GAD1: variants seen among roughly 807,000 people sequenced by gnomAD.
GAD1 encodes 67 kDa glutamic acid decarboxylase.
In GAD1, 35 loss-of-function variants were observed where a neutral mutation model predicts 75.2. The observed-to-expected ratio is 0.47, with a 90% CI of 0.36 to 0.62. GAD1 has a LOEUF of 0.62. Ranked by LOEUF, GAD1 falls within the 20% of genes least tolerant of loss-of-function variation. The pLI is 0.00. For synonymous variants in GAD1, 257 were observed against 271.9 expected (o/e 0.95, Z 0.54); for missense variants, 490 against 758.5 (o/e 0.65, Z 4.16).
chr2:170,841,841 G>C (rs1415277400), intron 6 of GAD1, among the ~76,000 whole-genome samples: 1 of 152,200 alleles, frequency 6.6e-6, no homozygotes, highest in Non-Finnish European at 1.5e-5. Context: ...TATCAAACAG[G>C]ATACAGCTAA....
At chr2:170,849,259 C>A in intron 11 of GAD1, 27 bp from the exon 12 acceptor site, 1 of 1,608,990 alleles carries the variant, frequency 6.2e-7, no homozygotes. Context: ...CTGCTCCCCT[C>A]TTCCTCTCCT....
intron 16 of GAD1, 33 bp downstream of exon 16, chr2:170,858,926 C>T (rs933904469): frequency 6.4e-7 from 1 of 1,564,272 alleles, no homozygotes; most frequent in Non-Finnish European, 8.8e-7. Flanking sequence ...ATCTAATCCT[C>T]TGCAATTTCT....
chr2:170,845,385 C>A, intron 7 of GAD1, 121 bp from the exon 8 acceptor site: 2 of 858,580 alleles, frequency 2.3e-6, no homozygotes, highest in African/African-American at 1.6e-5. Flanking sequence ...CAAAACCTAT[C>A]AGGATATTAT....
At chr2:170,852,618 T>G in intron 12 of GAD1, 96 bp from the exon 13 acceptor site, 1 of 1,004,066 alleles carries the variant, frequency 1.0e-6, no homozygotes, top group African/African-American at 1.6e-5. Flanking sequence ...ATGGATAATA[T>G]TTACTAACTT....
intron 12 of GAD1, among the ~76,000 whole-genome samples, chr2:170,851,481 C>G (rs1462166156): frequency 6.6e-6 from 1 of 152,166 alleles, no homozygotes; most frequent in Non-Finnish European, 1.5e-5. Context: ...TCAGACCTTC[C>G]TCTCTTCTCC....
At chr2:170,827,316 C>A (rs2105767830) in intron 3 of GAD1, among the ~76,000 whole-genome samples, 1 of 152,348 alleles carries the variant, frequency 6.6e-6, no homozygotes, top group South Asian at 2.1e-4. Context: ...ACGTGTGACT[C>A]CGCAAGTTTC....
Position 170,831,594 on chromosome 2 carries a change from ATGTGTG to A in GAD1, c.547+438_547+443del, listed in dbSNP as rs370649454. On this transcript the variant is annotated intron_variant, in intron 5 of 16. Coordinates refer to ENST00000358196, the MANE Select transcript of GAD1 (RefSeq NM_000817.3). ...ACATGGCGAAACCTTGTCTCTACATATGTGTGTGTGTGTGTGTGTGTGTGTGTGTGT... is the reference window on the plus strand; with the variant it reads ...ACATGGCGAAACCTTGTCTCTACATATGTGTGTGTGTGTGTGTGTGTGTGT... 8.6e-4 allele frequency among the ~76,000 whole-genome samples: 105 copies of A among 122,786 alleles called. 2 individuals carry two copies. The highest frequency in any genetic ancestry group is 1.4e-3 in the East Asian group (6 of 4,346). 80.6% of individuals were successfully genotyped at this position (122,786 alleles called of 152,430 possible). A position where few individuals can be genotyped will look rare whatever the true frequency, so the allele number is the denominator to read the frequency against.
At chr2:170,826,819 G>C (rs1702037151) in intron 3 of GAD1, among the ~76,000 whole-genome samples, 1 of 152,134 alleles carries the variant, frequency 6.6e-6, no homozygotes, top group Non-Finnish European at 1.5e-5. Context: ...TTTCAAGTCT[G>C]GCAAATTCCA....
In GAD1 at chr2:170,859,747, T is replaced by C. The variant is rs1262071308; in HGVS notation, c.1650T>C (p.Gly550=). The C allele has an allele frequency of 5.0e-6, 8 of 1,614,192 alleles. No homozygotes were observed. Among genetic ancestry groups the C allele is most frequent in the Non-Finnish European group, 6.8e-6 (8 of 1,180,040 alleles). The stretch of plus-strand genomic sequence containing the variant: ...TCAAAGCCCTGATGATGGAGTCAGG[T>C]ACGACCATGGTTGGCTACCAGCCCC... ...PKIKALMMES[G]TTMVGYQPQG... The change falls in exon 17 of 17, where the codon GGT becomes GGC. Residue 550 remains glycine, a synonymous_variant. Coordinates refer to ENST00000358196, the MANE Select transcript of GAD1 (RefSeq NM_000817.3).
In GAD1 at chr2:170,818,825, G is replaced by A; in HGVS notation, c.82+152G>A. 1 of 789,692 alleles carries A rather than the reference G, an allele frequency of 1.3e-6. No individual in the cohort carries two copies. Among genetic ancestry groups the A allele is most frequent in the Non-Finnish European group, 2.2e-6 (1 of 461,936 alleles). The allele number at this position is 789,692 out of a possible 1,614,324, so 48.9% of individuals were successfully genotyped here. A position where few individuals can be genotyped will look rare whatever the true frequency, so the allele number is the denominator to read the frequency against. The stretch of plus-strand genomic sequence containing the variant: ...GGGCTCTGACCCCGTCCCTGCCAGA[G>A]GTCATTCGGCTGTCAGGGACGCTAG... On this transcript the variant is annotated intron_variant, in intron 2 of 16. Transcript: ENST00000358196. This position sits in a 1 kb window ranked among gnomAD's most constrained non-coding sequence, Gnocchi z 5.9.
At chr2:170,831,593 T>C (rs1397895555) in intron 5 of GAD1, among the ~76,000 whole-genome samples, 1 of 130,514 alleles carries the variant, frequency 7.7e-6, no homozygotes, top group East Asian at 2.3e-4. Context: ...TGTCTCTACA[T>C]ATGTGTGTGT....
intron 11 of GAD1, chr2:170,848,794 G>A (rs750099269): frequency 3.9e-6 from 2 of 519,096 alleles, no homozygotes; most frequent in South Asian, 2.8e-5. Context: ...CATGCATCAT[G>A]GTACCCACAA....
intron 3 of GAD1, 116 bp downstream of exon 3, chr2:170,822,265 A>G: frequency 1.1e-6 from 1 of 886,926 alleles, no homozygotes; most frequent in Non-Finnish European, 1.8e-6. Flanking sequence ...TGATTTTCTA[A>G]TGTAATTACA....
intron 2 of GAD1, chr2:170,821,870 A>G (rs1701890845): frequency 1.8e-6 from 1 of 566,704 alleles, no homozygotes; most frequent in East Asian, 3.0e-5. Context: ...ACACCGTTCC[A>G]TATTTGAAGC....
chr2:170,845,503 C>T lies in GAD1; in HGVS notation c.752-3C>T. 6 of 1,612,610 alleles carry T rather than the reference C, an allele frequency of 3.7e-6. No individual in the cohort carries two copies. Among genetic ancestry groups the T allele is most frequent in the Non-Finnish European group, 5.1e-6 (6 of 1,179,446 alleles). Reference sequence around the variant, plus strand: ...ACCTCCCAATATGTCCGCTTGCTGACAGGGGGCGCCATATCCAACATGTAC... The same window carrying T: ...ACCTCCCAATATGTCCGCTTGCTGATAGGGGGCGCCATATCCAACATGTAC... On this transcript the variant is annotated splice_region_variant and splice_polypyrimidine_tract_variant and intron_variant, in intron 7 of 16. Coordinates refer to ENST00000358196, the MANE Select transcript of GAD1 (RefSeq NM_000817.3).
Position 170,833,861 on chromosome 2 carries a change from G to A in GAD1, c.547+2669G>A, listed in dbSNP as rs201519882. 3.6e-4 allele frequency among the ~76,000 whole-genome samples: 55 copies of A among 152,234 alleles called. No individual in the cohort carries two copies. The East Asian group carries it at 4.1e-3, about 11-fold the overall frequency. On this transcript the variant is annotated intron_variant, in intron 5 of 16. Transcript: ENST00000358196. Reference sequence around the variant, plus strand: ...CCAAAAATACAAAAATTAGCTGAGCGTGGTAGTGTGCACCTGTGATCCCAG... The same window carrying A: ...CCAAAAATACAAAAATTAGCTGAGCATGGTAGTGTGCACCTGTGATCCCAG...
chr2:170,825,734 G>T (rs139564852), intron 3 of GAD1, among the ~76,000 whole-genome samples: 2 of 152,182 alleles, frequency 1.3e-5, no homozygotes, highest in Non-Finnish European at 2.9e-5. Flanking sequence ...CTCCCCTTGC[G>T]GCTGGCCAGT....
At position 170,853,688 on chromosome 2, in the gene GAD1, G is replaced by A. The variant is rs1158362210; in HGVS notation, c.1264-185G>A. The A allele has an allele frequency of 1.6e-6, 1 of 614,864 alleles. No homozygotes were observed. 38.1% of individuals were successfully genotyped at this position (614,864 alleles called of 1,614,324 possible). A position where few individuals can be genotyped will look rare whatever the true frequency, so the allele number is the denominator to read the frequency against. On this transcript the variant is annotated intron_variant, in intron 13 of 16. Transcript: ENST00000358196. The surrounding 1 kb of genome is among the most constrained non-coding windows in gnomAD (Gnocchi z 4.1). ...TCTAATCAGAGAGTCAGAGACAAAAGGGATGGCAGTTTTTCCAAGAGTGAT... is the reference window on the plus strand; with the variant it reads ...TCTAATCAGAGAGTCAGAGACAAAAAGGATGGCAGTTTTTCCAAGAGTGAT...
chr2:170,824,929 C>CATGT, intron 3 of GAD1, among the ~76,000 whole-genome samples: 2 of 150,014 alleles, frequency 1.3e-5, no homozygotes, highest in African/African-American at 4.9e-5. Context: ...AGCCTACACT[C>CATGT]GTGTGTGTGT....
Sources: gnomAD v4.1 joint callset for allele counts (sites outside exome capture counted in the v4.1 genomes callset) on GRCh38, gnomAD v4.1.1 for gene constraint, Gnocchi (gnomAD v3.1) non-coding constraint, MANE v1.5 for transcripts, NCBI Gene and HGNC (gene_info 2026-07-23, HGNC 2026-07-21) for gene names.